The following MYLK variants were observed in gnomAD, a reference collection of about 807,000 sequenced individuals.
The protein encoded by MYLK is myosin light chain kinase, smooth muscle.
MYLK carries 106 observed loss-of-function variants against 203.4 expected under a neutral mutation model. The ratio of observed to expected loss-of-function variants is 0.52; its 90% CI spans 0.45 to 0.61. The LOEUF (loss-of-function observed/expected upper bound fraction) is 0.61, where lower values mean the gene tolerates loss of function less well. MYLK is among the 20% of genes least tolerant of loss of function. The pLI, the probability that MYLK is intolerant of heterozygous loss-of-function variation, is 0.00. For synonymous variants in MYLK, 867 were observed against 959.5 expected, an observed-to-expected ratio of 0.90 and a Z score of 1.78; for missense variants, 2,072 against 2,442.3, an observed-to-expected ratio of 0.85 and a Z score of 3.20.
At chr3:123,847,837 A>T (rs1470853839) in intron 2 of MYLK, among the ~76,000 whole-genome samples, 2 of 152,058 alleles carry the variant, frequency 1.3e-5, no homozygotes, top group African/African-American at 4.8e-5. Context: ...ACTGGCCCAC[A>T]ATTTTCCTTT....
intron 20 of MYLK, among the ~76,000 whole-genome samples, chr3:123,673,331 C>T (rs1376884008): frequency 6.6e-6 from 1 of 151,874 alleles, no homozygotes; most frequent in African/African-American, 2.4e-5. Flanking sequence ...GCAGGCTGGT[C>T]TCAAACTCCT....
chr3:123,823,142 T>C (rs1461248177), intron 3 of MYLK, among the ~76,000 whole-genome samples: 1 of 152,192 alleles, frequency 6.6e-6, no homozygotes. Flanking sequence ...CTTCCCTTGG[T>C]TTCTGGAATG....
chr3:123,857,365 C>T lies in MYLK; in HGVS notation c.-127+19194G>A, dbSNP rs1396696421. On this transcript the variant is annotated intron_variant, in intron 2 of 33. Transcript: ENST00000360304. ...ATGCACACGTATGTTTATTGCGGCT[C>T]TATTCACAATAGCAAAGACTTGGAA... Among the ~76,000 whole-genome samples, 194 of 150,870 alleles carry T rather than the reference C, an allele frequency of 1.3e-3. 2 individuals carry two copies. Among genetic ancestry groups the T allele is most frequent in the African/African-American group, 3.9e-3 (159 of 40,436 alleles).
In MYLK at chr3:123,780,796, G is replaced by A. The variant is rs150456623; in HGVS notation, c.165+12881C>T. Among the ~76,000 whole-genome samples the A allele has an allele frequency of 1.4e-3, 213 of 152,266 alleles. 2 individuals are homozygous for A. The Middle Eastern group carries it at 0.02, about 15-fold the overall frequency. On this transcript the variant is annotated intron_variant, in intron 4 of 33. Coordinates refer to ENST00000360304, the MANE Select transcript of MYLK (RefSeq NM_053025.4). ...CCAAGTCTGACTGAATATCTACCACGGGCCGGGCACTGTCCTAGGTGCTAT... is the reference window on the plus strand; with the variant it reads ...CCAAGTCTGACTGAATATCTACCACAGGCCGGGCACTGTCCTAGGTGCTAT...
At chr3:123,843,741 C>A (rs191819259) in intron 2 of MYLK, among the ~76,000 whole-genome samples, 1 of 152,258 alleles carries the variant, frequency 6.6e-6, no homozygotes, top group Non-Finnish European at 1.5e-5. Flanking sequence ...ATTCAAATTC[C>A]CTGCCCCTCT....
At chr3:123,732,870 G>A (rs760005187) in intron 11 of MYLK, 26 bp downstream of exon 11, 56 of 1,605,940 alleles carry the variant, frequency 3.5e-5, no homozygotes, top group Admixed American at 6.7e-5. Context: ...CAGAGAATGC[G>A]GGGTGACCTG....
At chr3:123,873,603 A>G (rs1042315446) in intron 2 of MYLK, among the ~76,000 whole-genome samples, 2 of 152,196 alleles carry the variant, frequency 1.3e-5, no homozygotes, top group Non-Finnish European at 2.9e-5. Flanking sequence ...GTCAAAAGAT[A>G]TAAGGTCAAC....
chr3:123,628,776 G>A (rs1397193189), intron 30 of MYLK, among the ~76,000 whole-genome samples: 1 of 152,160 alleles, frequency 6.6e-6, no homozygotes. Context: ...GAGGGCTTGA[G>A]TGCCTGACCT....
Position 123,714,616 on chromosome 3 carries a change from C to T in MYLK, c.1805-4723G>A, listed in dbSNP as rs180951336. ...CTCAAATGGGGCCAAACTAAATATA[C>T]CCCGGGTTTCCCCACAGCTGTGCTT... On this transcript the variant is annotated intron_variant, in intron 13 of 33. Transcript: ENST00000360304. Among the ~76,000 whole-genome samples the T allele has an allele frequency of 3.9e-3, 594 of 152,288 alleles. 4 individuals are homozygous for T. The highest frequency in any genetic ancestry group is 7.1e-3 in the Non-Finnish European group (483 of 68,024).
chr3:123,619,902 A>T (rs1042326979), intron 32 of MYLK, among the ~76,000 whole-genome samples: 3 of 152,214 alleles, frequency 2.0e-5, no homozygotes, highest in Admixed American at 6.5e-5. Context: ...GAACAAAAGA[A>T]GATTTTAATA....
intron 28 of MYLK, 121 bp from the exon 29 acceptor site, chr3:123,638,315 C>T: frequency 7.0e-6 from 10 of 1,420,418 alleles, no homozygotes; most frequent in Non-Finnish European, 8.8e-6. Context: ...GGCTTTGGCA[C>T]AGAGAACAGG....
intron 19 of MYLK, among the ~76,000 whole-genome samples, chr3:123,685,263 G>A (rs987381698): frequency 2.0e-4 from 30 of 152,206 alleles, no homozygotes; most frequent in Admixed American, 1.0e-3. Flanking sequence ...GCCCAAAGGA[G>A]AGAACACATG....
At chr3:123,818,988 C>T (rs1031682774) in intron 3 of MYLK, among the ~76,000 whole-genome samples, 1 of 152,118 alleles carries the variant, frequency 6.6e-6, no homozygotes, top group African/African-American at 2.4e-5. Flanking sequence ...GCTTCCTTAC[C>T]GATAAAACAA....
chr3:123,862,141 T>G (rs1161071112), intron 2 of MYLK, among the ~76,000 whole-genome samples: 1 of 152,192 alleles, frequency 6.6e-6, no homozygotes, highest in East Asian at 1.9e-4. Context: ...TGCACCACCT[T>G]GAGTATTTAG....
At chr3:123,627,052 G>A in intron 30 of MYLK, 111 bp from the exon 31 acceptor site, 1 of 1,261,216 alleles carries the variant, frequency 7.9e-7, no homozygotes, top group Non-Finnish European at 1.1e-6. Context: ...CAGAGCCCAG[G>A]GCCCCTGCTC....
rs1018819969 is a variant in MYLK at position 123,642,430 on chromosome 3, C to G, written c.4620-1926G>C. Among the ~76,000 whole-genome samples, 1 of 152,194 alleles carries G rather than the reference C, an allele frequency of 6.6e-6. No homozygotes were observed. The highest frequency in any genetic ancestry group is 1.5e-5 in the Non-Finnish European group (1 of 68,034). ...GTCACTGACCCCTGCAGGAGAGAGA[C>G]AGGGATGCACTGTGGGGCCCAGCAT... is the stretch of plus-strand genomic sequence containing the variant. On this transcript the variant is annotated intron_variant, in intron 27 of 33. Coordinates refer to ENST00000360304, the MANE Select transcript of MYLK (RefSeq NM_053025.4). This position sits in a 1 kb window ranked among gnomAD's most constrained non-coding sequence, Gnocchi z 4.2.
chr3:123,803,802 G>A (rs1255046935), intron 3 of MYLK, among the ~76,000 whole-genome samples: 1 of 152,226 alleles, frequency 6.6e-6, no homozygotes, highest in East Asian at 1.9e-4. Context: ...GCACAGGCTA[G>A]GAAGACTCTG....
intron 4 of MYLK, among the ~76,000 whole-genome samples, chr3:123,761,432 C>T (rs1440513918): frequency 6.6e-6 from 1 of 152,156 alleles, no homozygotes; most frequent in African/African-American, 2.4e-5. Flanking sequence ...GGTGGCGGCT[C>T]TGAGGGACGG....
At chr3:123,841,139 A>AG (rs1206863592) in intron 2 of MYLK, among the ~76,000 whole-genome samples, 1 of 152,178 alleles carries the variant, frequency 6.6e-6, no homozygotes, top group East Asian at 1.9e-4. Flanking sequence ...CAAAGGCAGC[A>AG]GCTTCATATT....
Sources: allele counts gnomAD v4.1 joint callset (sites outside exome capture counted in the v4.1 genomes callset), GRCh38; gene constraint gnomAD v4.1.1; non-coding constraint Gnocchi (gnomAD v3.1); transcripts MANE v1.5; gene names NCBI Gene and HGNC (gene_info 2026-07-23, HGNC 2026-07-21).